The following GARNL3 variants were observed in gnomAD, a reference collection of about 807,000 sequenced individuals.
The protein encoded by GARNL3 is GTPase activating Rap/RanGAP domain like 3.
In GARNL3, 63 loss-of-function variants were observed where a neutral mutation model predicts 125.0. The observed-to-expected ratio is 0.50, with a 90% CI of 0.41 to 0.62. The LOEUF (loss-of-function observed/expected upper bound fraction) is 0.62, where lower values mean the gene tolerates loss of function less well. Among genes scored for constraint, GARNL3 ranks in the 20% least tolerant of loss-of-function variants. The probability of loss-of-function intolerance (pLI) is 0.00; values close to 1 mark genes in which losing one functional copy is unlikely to be tolerated. For synonymous variants in GARNL3, 439 were observed against 457.5 expected, an observed-to-expected ratio of 0.96 and a Z score of 0.52; for missense variants, 994 against 1,244.0, an observed-to-expected ratio of 0.80 and a Z score of 3.02.
chr9:127,239,430 A>G lies in GARNL3; in HGVS notation c.-28-3649A>G, dbSNP rs3802373. Reference sequence around the variant, plus strand: ...GGACACGCCAGGTCATTTCCCTCACATTACGGGAGATGTACAGACTCTCAA... The same window carrying G: ...GGACACGCCAGGTCATTTCCCTCACGTTACGGGAGATGTACAGACTCTCAA... On this transcript the variant is annotated intron_variant, in intron 1 of 10. Transcript: ENST00000439286. Among the ~76,000 whole-genome samples the G allele has an allele frequency of 5.6e-3, 860 of 152,252 alleles. 23 individuals carry two copies. In the East Asian group the frequency reaches 0.086, roughly 15 times the overall value.
At chr9:127,367,156 C>T (rs1048670771) in intron 22 of GARNL3, 1 of 152,152 alleles carries the variant, frequency 6.6e-6, no homozygotes, top group Non-Finnish European at 1.5e-5. Flanking sequence ...TGAACAACAC[C>T]AATAAAACAG....
chr9:127,387,514 G>A (rs1312001030), intron 25 of GARNL3, among the ~76,000 whole-genome samples, 183 bp downstream of exon 25: 7 of 151,036 alleles, frequency 4.6e-5, no homozygotes, highest in Admixed American at 4.0e-4. Context: ...AAGCTGAGGC[G>A]GGCGGATCAC....
intron 2 of GARNL3, among the ~76,000 whole-genome samples, chr9:127,249,115 T>TC (rs2063355480): frequency 2.3e-5 from 2 of 88,022 alleles, no homozygotes; most frequent in Non-Finnish European, 6.1e-5. Context: ...AAAAAGTGCT[T>TC]ACTATTTGTT....
Position 127,392,462 on chromosome 9 carries a change from C to T in GARNL3, c.2871-621C>T, listed in dbSNP as rs758278416. On this transcript the variant is annotated intron_variant, in intron 27 of 27. Coordinates refer to ENST00000373387, the MANE Select transcript of GARNL3 (RefSeq NM_032293.5). The surrounding 1 kb of genome is among the most constrained non-coding windows in gnomAD (Gnocchi z 5.2). ...AGCAACTACCTCAGGGCAAGGGCCC[C>T]GAAGCAGGCCTAGCATGGCCAGTTA... Among the ~76,000 whole-genome samples, 1 of 152,164 alleles carries T rather than the reference C, an allele frequency of 6.6e-6. No individual in the cohort carries two copies. Among genetic ancestry groups the T allele is most frequent in the African/African-American group, 2.4e-5 (1 of 41,432 alleles).
At chr9:127,264,576 T>C, upstream of GARNL3, 1 of 1,058,708 alleles carries the variant, frequency 9.4e-7, no homozygotes, top group Non-Finnish European at 1.1e-6. Context: ...CAAGATCCGG[T>C]TCAGCAGCTT....
upstream of GARNL3, among the ~76,000 whole-genome samples, chr9:127,259,068 C>G (rs1442864127): frequency 6.6e-6 from 1 of 152,220 alleles, no homozygotes; most frequent in Non-Finnish European, 1.5e-5. Context: ...GAGGTCAGCA[C>G]TAATCTCAGT....
chr9:127,332,210 A>G, intron 7 of GARNL3, 64 bp from the exon 8 acceptor site: 5 of 1,224,958 alleles, frequency 4.1e-6, no homozygotes, highest in Admixed American at 1.7e-5. Flanking sequence ...CGAACAGCCC[A>G]TCTCAAAACT....
intron 2 of GARNL3, among the ~76,000 whole-genome samples, chr9:127,246,495 AGCAAAG>A (rs1363306473): frequency 5.9e-5 from 9 of 152,168 alleles, no homozygotes; most frequent in Admixed American, 5.9e-4. Context: ...GATAGAATAA[AGCAAAG>A]GTCATGTAGA....
intron 1 of GARNL3, among the ~76,000 whole-genome samples, chr9:127,269,735 G>A (rs1474193170): frequency 2.4e-4 from 36 of 149,376 alleles, no homozygotes; most frequent in Admixed American, 2.3e-3. Context: ...ATGACTATTC[G>A]AATTCTTTGT....
At chr9:127,335,432 GC>G in intron 10 of GARNL3, 99 bp downstream of exon 10, 1 of 970,976 alleles carries the variant, frequency 1.0e-6, no homozygotes, top group South Asian at 1.4e-5. Flanking sequence ...TAACATATGA[GC>G]TGAGCTGTGG....
At chr9:127,248,629 A>G (rs1323878484) in intron 2 of GARNL3, among the ~76,000 whole-genome samples, 2 of 77,636 alleles carry the variant, frequency 2.6e-5, no homozygotes, top group Admixed American at 1.8e-4. Context: ...TTTTGTTGAG[A>G]CAGGGTCTCA....
At chr9:127,363,943 A>G (rs1017052592) in intron 21 of GARNL3, 5 of 152,160 alleles carry the variant, frequency 3.3e-5, no homozygotes, top group Admixed American at 1.3e-4. Context: ...TCCCATTACA[A>G]TCCAGCAGGG....
At chr9:127,244,412 T>C (rs1189406221) in intron 2 of GARNL3, among the ~76,000 whole-genome samples, 3 of 152,182 alleles carry the variant, frequency 2.0e-5, no homozygotes, top group Non-Finnish European at 4.4e-5. Flanking sequence ...GCTGTGTTGA[T>C]AGGCAGTAAA....
upstream of GARNL3, among the ~76,000 whole-genome samples, chr9:127,259,843 A>G (rs879322121): frequency 1.2e-4 from 18 of 152,038 alleles, no homozygotes; most frequent in Admixed American, 6.6e-4. Flanking sequence ...GAGACCAGCC[A>G]TGGACACATT....
At chr9:127,379,621 G>A (rs2131801135) in intron 22 of GARNL3, among the ~76,000 whole-genome samples, 1 of 152,242 alleles carries the variant, frequency 6.6e-6, no homozygotes, top group Non-Finnish European at 1.5e-5. Flanking sequence ...GTTCTTGATT[G>A]TCTGTTACAA....
intron 19 of GARNL3, among the ~76,000 whole-genome samples, chr9:127,354,697 T>C (rs1334789577): frequency 6.6e-6 from 1 of 152,248 alleles, no homozygotes; most frequent in African/African-American, 2.4e-5. Flanking sequence ...TTCCCAGAGC[T>C]CTAATTACTT....
chr9:127,283,062 A>G (rs1039292147), intron 1 of GARNL3, among the ~76,000 whole-genome samples: 1 of 152,188 alleles, frequency 6.6e-6, no homozygotes, highest in Admixed American at 6.5e-5. Context: ...TCAGTGTTAA[A>G]TGAAACAGTT....
At position 127,354,284 on chromosome 9, in the gene GARNL3, A is replaced by G. The variant is rs1187424087; in HGVS notation, c.1643-10A>G. On this transcript the variant is annotated splice_polypyrimidine_tract_variant and intron_variant, in intron 18 of 27. Transcript: ENST00000373387. ...TTTAATCTCCTCCTCTGTCTTTTTT[A>G]TGTCACCAGGAAAAGATGCTCGCCT... 6.2e-7 allele frequency: 1 copy of G among 1,602,358 alleles called. No individual in the cohort carries two copies.
At chr9:127,339,113 C>A (rs144364338) in intron 12 of GARNL3, among the ~76,000 whole-genome samples, 1 of 151,632 alleles carries the variant, frequency 6.6e-6, no homozygotes, top group East Asian at 1.9e-4. Flanking sequence ...CTGGCTAACA[C>A]GATGAAACCC....
Sources: allele counts gnomAD v4.1 joint callset (sites outside exome capture counted in the v4.1 genomes callset), GRCh38; gene constraint gnomAD v4.1.1; non-coding constraint Gnocchi (gnomAD v3.1); transcripts MANE v1.5; gene names NCBI Gene and HGNC (gene_info 2026-07-23, HGNC 2026-07-21).